The following KLF8 variants were observed in gnomAD, a reference collection of about 807,000 sequenced individuals.
The protein encoded by KLF8 is Krueppel-like factor 8.
KLF8 carries 10 observed loss-of-function variants against 18.2 expected under a neutral mutation model. The ratio of observed to expected loss-of-function variants is 0.55; its 90% CI spans 0.34 to 0.93. KLF8 has a LOEUF of 0.93. Among genes scored for constraint, KLF8 ranks in the 40% least tolerant of loss-of-function variants. KLF8 has a pLI of 0.02. For missense variants in KLF8, 264 were observed against 277.9 expected, an observed-to-expected ratio of 0.95 and a Z score of 0.36; for synonymous variants, 109 against 97.3, an observed-to-expected ratio of 1.12 and a Z score of -0.71.
rs746360113 is a variant in KLF8 at position 56,265,797 on chromosome X, G to C, written c.646+53G>C. 7.0e-6 allele frequency: 8 copies of C among 1,145,556 alleles called. No individual in the cohort carries two copies. The South Asian group carries it at 8.2e-5, about 12-fold the overall frequency. The allele number at this position is 1,145,556 out of a possible 1,213,427, so 94.4% of individuals were successfully genotyped here. Reference sequence around the variant, plus strand: ...GCCTTCCTGAATCTATTCCCTTTTAGAGTCATCCTATCTCCTGTCTCTTTT... The same window carrying C: ...GCCTTCCTGAATCTATTCCCTTTTACAGTCATCCTATCTCCTGTCTCTTTT... On this transcript the variant is annotated intron_variant, in intron 3 of 5. Coordinates refer to ENST00000468660, the MANE Select transcript of KLF8 (RefSeq NM_007250.5).
chrX:56,094,567 C>G, the KLF8 span, among the ~76,000 whole-genome samples: 2 of 110,199 alleles, frequency 1.8e-5, no homozygotes, highest in Non-Finnish European at 3.8e-5. Context: ...GGTAGACAAT[C>G]AAACAGGATA....
the KLF8 span, among the ~76,000 whole-genome samples, chrX:56,047,728 G>T: frequency 9.0e-6 from 1 of 111,296 alleles, no homozygotes; most frequent in Admixed American, 9.6e-5. Flanking sequence ...GTAAACATAC[G>T]TGTGAATGTG....
At chrX:56,012,133 T>A in the KLF8 span, among the ~76,000 whole-genome samples, 1 of 111,873 alleles carries the variant, frequency 8.9e-6, no homozygotes, top group African/African-American at 3.2e-5. Context: ...TACCAAAACC[T>A]AGCAGATATA....
the KLF8 span, among the ~76,000 whole-genome samples, chrX:56,009,444 C>T: frequency 1.8e-5 from 2 of 111,729 alleles, no homozygotes; most frequent in Admixed American, 1.9e-4. Context: ...ACAAAAACCT[C>T]ATCCAAAGGT....
chrX:56,106,749 T>G, the KLF8 span, among the ~76,000 whole-genome samples: 1 of 112,329 alleles, frequency 8.9e-6, no homozygotes, highest in Non-Finnish European at 1.9e-5. Flanking sequence ...CCAGCTTTGT[T>G]CCATTGCTGG....
chrX:55,976,562 A>G, the KLF8 span, among the ~76,000 whole-genome samples: 1 of 34,034 alleles, frequency 2.9e-5, no homozygotes, highest in African/African-American at 6.3e-5. Flanking sequence ...CTAGTAGTCC[A>G]TTTGTGTACA....
the KLF8 span, among the ~76,000 whole-genome samples, chrX:56,115,017 T>C: frequency 8.9e-6 from 1 of 112,543 alleles, no homozygotes; most frequent in Non-Finnish European, 1.9e-5. Flanking sequence ...TTTAAAAAGT[T>C]TGAATAGTTA....
chrX:55,913,364 A>G, the KLF8 span, among the ~76,000 whole-genome samples: 2 of 111,559 alleles, frequency 1.8e-5, no homozygotes, highest in Non-Finnish European at 3.8e-5. Flanking sequence ...GACTATTTGG[A>G]GACAGGGTCT....
the KLF8 span, among the ~76,000 whole-genome samples, chrX:55,959,248 A>G: frequency 8.9e-6 from 1 of 112,372 alleles, no homozygotes; most frequent in South Asian, 3.7e-4. Flanking sequence ...ATGGAAGAAT[A>G]TACAAATAAA....
At chrX:56,183,676 T>C in the KLF8 span, among the ~76,000 whole-genome samples, 1 of 110,970 alleles carries the variant, frequency 9.0e-6, no homozygotes, top group Non-Finnish European at 1.9e-5. Context: ...AGCATGAAAT[T>C]AAATCATATC....
chrX:56,077,843 G>T, the KLF8 span, among the ~76,000 whole-genome samples: 2 of 111,276 alleles, frequency 1.8e-5, no homozygotes, highest in Admixed American at 9.5e-5. Context: ...AGTTCTCCTT[G>T]TAGAGGTCCT....
the KLF8 span, chrX:56,015,166 A>C: frequency 2.9e-4 from 32 of 111,531 alleles, no homozygotes; most frequent in African/African-American, 9.8e-4. Context: ...GCAAAATAAA[A>C]ATAAAAATAT....
upstream of KLF8, among the ~76,000 whole-genome samples, chrX:56,230,025 C>G (rs1316060080): frequency 8.9e-6 from 1 of 112,215 alleles, no homozygotes; most frequent in Non-Finnish European, 1.9e-5. Flanking sequence ...AAACAAAAAG[C>G]TAGAGCTTAA....
chrX:56,195,688 C>T, the KLF8 span, among the ~76,000 whole-genome samples: 2 of 111,662 alleles, frequency 1.8e-5, no homozygotes, highest in Non-Finnish European at 3.8e-5. Flanking sequence ...ATTTCTCCAA[C>T]CTAGCAAGGC....
chrX:56,261,002 T>G (rs1383535484), intron 2 of KLF8, among the ~76,000 whole-genome samples: 3 of 111,928 alleles, frequency 2.7e-5, no homozygotes, highest in Non-Finnish European at 5.6e-5. Context: ...AAATGGAAAC[T>G]TTGTAACAGT....
chrX:56,243,852 A>G (rs2066586253), intron 1 of KLF8, among the ~76,000 whole-genome samples: 1 of 111,283 alleles, frequency 9.0e-6, no homozygotes, highest in Non-Finnish European at 1.9e-5. Flanking sequence ...TTGAATAGAA[A>G]AGTCATACAG....
the KLF8 span, among the ~76,000 whole-genome samples, chrX:56,192,645 C>A: frequency 9.0e-6 from 1 of 111,696 alleles, no homozygotes; most frequent in Admixed American, 9.5e-5. Context: ...AATGCAAAAC[C>A]TGGAAACAAA....
At chrX:56,161,004 G>T in the KLF8 span, among the ~76,000 whole-genome samples, 38 of 111,238 alleles carry the variant, frequency 3.4e-4, no homozygotes, top group East Asian at 9.3e-3. Context: ...TTACAATTTG[G>T]CATGTTTTTG....
the KLF8 span, among the ~76,000 whole-genome samples, chrX:56,103,962 G>T: frequency 9.0e-6 from 1 of 111,529 alleles, no homozygotes; most frequent in East Asian, 2.8e-4. Context: ...TGCATCTATT[G>T]AGATAACCAT....
Sources: gnomAD v4.1 joint callset for allele counts (sites outside exome capture counted in the v4.1 genomes callset) on GRCh38, gnomAD v4.1.1 for gene constraint, MANE v1.5 for transcripts, NCBI Gene and HGNC (gene_info 2026-07-23, HGNC 2026-07-21) for gene names.